Variants in PLD3 observed in about 807,000 individuals in gnomAD.
PLD3 encodes 5'-3' exonuclease PLD3.
PLD3 carries 31 observed loss-of-function variants against 58.4 expected under a neutral mutation model. That is an observed-to-expected ratio of 0.53 (90% CI 0.40 to 0.72). PLD3 has a LOEUF of 0.72. PLD3 is among the 30% of genes least tolerant of loss of function. The pLI, the probability that PLD3 is intolerant of heterozygous loss-of-function variation, is 0.00. For synonymous variants in PLD3, 264 were observed against 273.4 expected, an observed-to-expected ratio of 0.97 and a Z score of 0.34; for missense variants, 595 against 659.8, an observed-to-expected ratio of 0.90 and a Z score of 1.08.
At chr19:40,376,409 G>A in intron 10 of PLD3, 200 bp from the exon 11 acceptor site, 1 of 548,028 alleles carries the variant, frequency 1.8e-6, no homozygotes, top group South Asian at 2.5e-5. Context: ...TTGGGGAGCA[G>A]GAATGGGAGC....
At chr19:40,351,103 C>T (rs1291865402) in intron 1 of PLD3, among the ~76,000 whole-genome samples, 1 of 151,908 alleles carries the variant, frequency 6.6e-6, no homozygotes, top group Non-Finnish European at 1.5e-5. Flanking sequence ...GTGGTGTGCG[C>T]CTGTGGTCCC....
rs755980739 is a variant in PLD3, at chr19:40,371,876, G to A, written c.879+3G>A. ...CCCCTGCTCTGGCCTACCTGGCGGT[G>A]AGTCTGGGGCAAGTGGGGCCTGTCA... On this transcript the variant is annotated splice_donor_region_variant and intron_variant, in intron 9 of 12. Transcript: ENST00000409735. 6.2e-7 allele frequency: 1 copy of A among 1,612,980 alleles called. No homozygotes were observed. The highest frequency in any genetic ancestry group is 1.7e-5 in the Admixed American group (1 of 60,012).
chr19:40,349,697 G>T (rs2078438639), intron 1 of PLD3, among the ~76,000 whole-genome samples: 1 of 152,178 alleles, frequency 6.6e-6, no homozygotes, highest in African/African-American at 2.4e-5. Context: ...GGTGGCTCAT[G>T]CCTGTAATCC....
At chr19:40,366,303 C>T (rs2145684908) in intron 2 of PLD3, 116 bp from the exon 3 acceptor site, 2 of 645,306 alleles carry the variant, frequency 3.1e-6, no homozygotes, top group Non-Finnish European at 5.6e-6. Context: ...GGGTGGTGGG[C>T]AGTGTGCCAG....
At chr19:40,375,422 GGGTGGATCACGA>G (rs1287509964) in intron 10 of PLD3, among the ~76,000 whole-genome samples, 35 of 151,602 alleles carry the variant, frequency 2.3e-4, no homozygotes, top group Non-Finnish European at 4.4e-4. Flanking sequence ...AGGCTGAGGC[GGGTGGATCACGA>G]GGTCAGGAGA....
chr19:40,359,456 C>G (rs1222453181), intron 1 of PLD3: 1 of 152,180 alleles, frequency 6.6e-6, no homozygotes, highest in South Asian at 2.1e-4. Flanking sequence ...CCTGAGAATA[C>G]AGGCATTGAG....
Position 40,353,587 on chromosome 19 carries a change from T to C in PLD3, c.-279+4819T>C, listed in dbSNP as rs183829061. On this transcript the variant is annotated intron_variant, in intron 1 of 12. Coordinates refer to ENST00000409735, the MANE Select transcript of PLD3 (RefSeq NM_012268.4). ...TTTTTCTTTTCTTTTCTTTTCTTTT[T>C]TTTTTATTTGAGATGGAGTCTTGCT... Among the ~76,000 whole-genome samples, 281 of 152,240 alleles carry C rather than the reference T, an allele frequency of 1.8e-3. 2 individuals carry two copies. The highest frequency in any genetic ancestry group is 6.4e-3 in the African/African-American group (264 of 41,534).
At chr19:40,372,321 T>TACAAACAA (rs59326126) in intron 9 of PLD3, among the ~76,000 whole-genome samples, 8 of 151,512 alleles carry the variant, frequency 5.3e-5, no homozygotes, top group Non-Finnish European at 2.9e-5. Context: ...ACTCCATCTT[T>TACAAACAA]ACAAACAAAC....
chr19:40,369,968 G>T lies in PLD3; in HGVS notation c.490G>T (p.Ala164Ser), dbSNP rs753968296. 1.3e-6 allele frequency: 2 copies of T among 1,561,564 alleles called. No homozygotes were observed. The highest frequency in any genetic ancestry group is 1.8e-4 in the Middle Eastern group (1 of 5,606). Reference sequence around the variant, plus strand: ...ACCAAAGGGCGTGAACGTCCGCATCGCTGTGAGCAAGCCCAGCGGGCCCCA... The same window carrying T: ...ACCAAAGGGCGTGAACGTCCGCATCTCTGTGAGCAAGCCCAGCGGGCCCCA... ...LAPKGVNVRIAVSKPSGPQPQ... is the reference protein window; with the variant it reads ...LAPKGVNVRISVSKPSGPQPQ... Residue 164 changes from alanine to serine, a missense_variant, in exon 7 of 13, where the codon GCT becomes TCT. Physicochemically the swap from Ala to Ser is moderately conservative, Grantham distance 99. Transcript: ENST00000409735.
intron 6 of PLD3, among the ~76,000 whole-genome samples, chr19:40,368,382 C>T (rs1443599613): frequency 6.6e-6 from 1 of 152,170 alleles, no homozygotes; most frequent in Non-Finnish European, 1.5e-5. Context: ...GGCACAGAGT[C>T]AGCCTTTGTG....
intron 1 of PLD3, among the ~76,000 whole-genome samples, chr19:40,364,486 A>AT (rs2078865261): frequency 6.7e-6 from 1 of 149,108 alleles, no homozygotes; most frequent in Non-Finnish European, 1.5e-5. Flanking sequence ...TCTATACAAA[A>AT]TTAAAAAAAA....
chr19:40,355,209 A>C (rs1452763547), intron 1 of PLD3, among the ~76,000 whole-genome samples: 1 of 150,940 alleles, frequency 6.6e-6, no homozygotes, highest in African/African-American at 2.4e-5. Context: ...CCCCTGCTTT[A>C]TTTTTTTCCA....
chr19:40,368,945 G>T (rs951305334), intron 6 of PLD3, among the ~76,000 whole-genome samples: 2 of 151,512 alleles, frequency 1.3e-5, no homozygotes, highest in African/African-American at 4.9e-5. Flanking sequence ...AAAAGAAAAA[G>T]TAATAATAAT....
chr19:40,352,723 G>C (rs2078549831), intron 1 of PLD3, among the ~76,000 whole-genome samples: 2 of 152,290 alleles, frequency 1.3e-5, no homozygotes, highest in South Asian at 2.1e-4. Flanking sequence ...AGCACTTTGA[G>C]AGGTTGAGGT....
intron 8 of PLD3, 28 bp from the exon 9 acceptor site, chr19:40,371,645 C>G (rs559942798): frequency 6.5e-7 from 1 of 1,548,164 alleles, no homozygotes; most frequent in Non-Finnish European, 8.9e-7. Context: ...AGGCCGCTAT[C>G]GCTGAGCTCA....
Position 40,374,574 on chromosome 19 carries a change from G to A in PLD3, c.973G>A (p.Ala325Thr), listed in dbSNP as rs139707894. 58 of 1,614,180 alleles carry A rather than the reference G, an allele frequency of 3.6e-5. No individual in the cohort carries two copies. The highest frequency in any genetic ancestry group is 4.4e-5 in the South Asian group (4 of 91,080). ...VDNARSFIYV[A>T]VMNYLPTLEF... Reference sequence around the variant, plus strand: ...CAATGCCCGGAGTTTCATCTACGTCGCTGTCATGAACTACCTGCCCACTCT... The same window carrying A: ...CAATGCCCGGAGTTTCATCTACGTCACTGTCATGAACTACCTGCCCACTCT... Residue 325 changes from alanine (A) to threonine (T), a missense_variant, in exon 10 of 13, where the codon GCT (alanine) becomes ACT (threonine). Coordinates refer to ENST00000409735, the MANE Select transcript of PLD3 (RefSeq NM_012268.4).
chr19:40,353,331 G>C (rs1005068427), intron 1 of PLD3, among the ~76,000 whole-genome samples: 1 of 152,090 alleles, frequency 6.6e-6, no homozygotes, highest in African/African-American at 2.4e-5. Context: ...TCAGGAGGTT[G>C]AGACATGAGA....
In PLD3 at chr19:40,368,731, G is replaced by GC. The variant is rs1443049009; in HGVS notation, c.429+858dup. Among the ~76,000 whole-genome samples, 5 of 151,390 alleles carry GC rather than the reference G, an allele frequency of 3.3e-5. No homozygotes were observed. The East Asian group carries it at 5.8e-4, about 18-fold the overall frequency. On this transcript the variant is annotated intron_variant, in intron 6 of 12. Coordinates refer to ENST00000409735, the MANE Select transcript of PLD3 (RefSeq NM_012268.4). ...TAGCCTGAGCAACATAGTGAGACCC[G>GC]CCCCCCACCTCCCCTCAACCATCTC... is the stretch of plus-strand genomic sequence containing the variant.
At chr19:40,363,576 G>A (rs1372155093) in intron 1 of PLD3, among the ~76,000 whole-genome samples, 3 of 152,206 alleles carry the variant, frequency 2.0e-5, no homozygotes, top group East Asian at 1.9e-4. Context: ...GATTACAAGC[G>A]CCCGCCACCA....
Sources: allele counts gnomAD v4.1 joint callset (sites outside exome capture counted in the v4.1 genomes callset), GRCh38; gene constraint gnomAD v4.1.1; transcripts MANE v1.5; gene names NCBI Gene and HGNC (gene_info 2026-07-23, HGNC 2026-07-21).